OR2L13: variants seen among roughly 807,000 people sequenced by gnomAD.
The protein encoded by OR2L13 is olfactory receptor family 2 subfamily L member 13.
In OR2L13, 14 loss-of-function variants were observed where a neutral mutation model predicts 15.3. The observed-to-expected ratio is 0.91, with a 90% CI of 0.60 to 1.43. The LOEUF is 1.43. OR2L13 is among the 40% of genes most tolerant of loss of function. The probability of loss-of-function intolerance (pLI) is 0.00; values close to 1 mark genes in which losing one functional copy is unlikely to be tolerated. For synonymous variants in OR2L13, 152 were observed against 142.9 expected, an observed-to-expected ratio of 1.06 and a Z score of -0.45; for missense variants, 367 against 387.9, an observed-to-expected ratio of 0.95 and a Z score of 0.45.
At chr1:247,989,045 A>C in the OR2L13 span, among the ~76,000 whole-genome samples, 4 of 152,114 alleles carry the variant, frequency 2.6e-5, no homozygotes, top group African/African-American at 9.7e-5. Flanking sequence ...TGGAAGGTAA[A>C]ATGAACTTGG....
upstream of OR2L13, among the ~76,000 whole-genome samples, chr1:248,093,171 G>A (rs989818700): frequency 6.6e-6 from 1 of 152,142 alleles, no homozygotes. Flanking sequence ...TCCCAGAGGA[G>A]TCTAAGAGAT....
At chr1:248,083,789 G>A in the OR2L13 span, 21 of 1,613,664 alleles carry the variant, frequency 1.3e-5, no homozygotes, top group African/African-American at 1.3e-5. Flanking sequence ...ACACAACCTT[G>A]TCGTGGTTAG....
At chr1:248,085,436 T>TAAAATAAAAA in the OR2L13 span, among the ~76,000 whole-genome samples, 1 of 84,552 alleles carries the variant, frequency 1.2e-5, no homozygotes, top group African/African-American at 4.5e-5. Context: ...TAAAATAAAA[T>TAAAATAAAAA]AATAAAATAA....
the OR2L13 span, chr1:247,949,551 G>A: frequency 6.2e-7 from 1 of 1,614,100 alleles, no homozygotes; most frequent in Non-Finnish European, 8.5e-7. Context: ...ATCTGCAGAA[G>A]GGAGGAAGAA....
the OR2L13 span, among the ~76,000 whole-genome samples, chr1:247,952,991 A>G: frequency 1.3e-5 from 2 of 152,148 alleles, no homozygotes; most frequent in Non-Finnish European, 2.9e-5. Context: ...TTTTCATGCC[A>G]ATGACCCTGG....
the OR2L13 span, chr1:248,023,015 T>G: frequency 1.1e-6 from 1 of 898,500 alleles, no homozygotes; most frequent in Non-Finnish European, 1.7e-6. Flanking sequence ...TGTCTTTTAA[T>G]TTAGTCTTGA....
At chr1:248,050,612 AT>A in the OR2L13 span, among the ~76,000 whole-genome samples, 2 of 152,088 alleles carry the variant, frequency 1.3e-5, no homozygotes, top group South Asian at 2.1e-4. Context: ...GTTCTATGTT[AT>A]TTTTTTCTTT....
At chr1:248,024,913 C>T in the OR2L13 span, among the ~76,000 whole-genome samples, 1 of 152,054 alleles carries the variant, frequency 6.6e-6, no homozygotes, top group African/African-American at 2.4e-5. Context: ...TCCATATGAA[C>T]TTTAAGGTAG....
At chr1:247,981,976 C>T in the OR2L13 span, among the ~76,000 whole-genome samples, 3 of 152,086 alleles carry the variant, frequency 2.0e-5, no homozygotes, top group Admixed American at 6.5e-5. Flanking sequence ...CCACCACGCC[C>T]GGCTAATGTT....
At chr1:247,993,760 GGGGAGAGAGA>G in the OR2L13 span, among the ~76,000 whole-genome samples, 6,493 of 53,468 alleles carry the variant, frequency 0.12, 419 homozygotes, top group South Asian at 0.25. Flanking sequence ...ACAGAGAGAG[GGGGAGAGAGA>G]GAGAGAGAGA....
At chr1:248,003,245 A>C in the OR2L13 span, 27 of 1,564,404 alleles carry the variant, frequency 1.7e-5, no homozygotes, top group Non-Finnish European at 2.3e-5. Context: ...AATGGCTCTA[A>C]TTGGAAACCT....
At chr1:248,039,109 C>A in the OR2L13 span, 3 of 1,614,110 alleles carry the variant, frequency 1.9e-6, no homozygotes, top group Non-Finnish European at 2.5e-6. Context: ...ACCATCCTCA[C>A]CCCAATGCTC....
the OR2L13 span, chr1:248,022,849 C>T: frequency 6.2e-7 from 1 of 1,612,370 alleles, no homozygotes; most frequent in South Asian, 1.1e-5. Flanking sequence ...GGGGCCCTGA[C>T]ACGAGTGATT....
At chr1:247,937,518 C>G in the OR2L13 span, 1 of 157,556 alleles carries the variant, frequency 6.3e-6, no homozygotes. Flanking sequence ...CTTCCATCAA[C>G]CCCTCAGCTA....
the OR2L13 span, chr1:248,040,605 T>C: frequency 6.6e-6 from 1 of 152,218 alleles, no homozygotes; most frequent in African/African-American, 2.4e-5. Context: ...ATATTTTCTC[T>C]TTCTGATGAT....
the OR2L13 span, chr1:247,990,208 A>G: frequency 1.6e-6 from 1 of 641,086 alleles, no homozygotes; most frequent in Non-Finnish European, 2.8e-6. Context: ...GATAAGGGGG[A>G]ACTACTGTAC....
At chr1:247,949,650 C>T in the OR2L13 span, 1,986 of 1,613,778 alleles carry the variant, frequency 1.2e-3, 23 homozygotes, top group African/African-American at 0.02. Context: ...AAGATCCCTG[C>T]GATCTCCAAC....
the OR2L13 span, chr1:248,003,327 C>T: frequency 6.3e-7 from 1 of 1,593,038 alleles, no homozygotes; most frequent in Admixed American, 1.7e-5. Context: ...AGTCAGCTCT[C>T]CCTCATTGAC....
At chr1:247,993,807 G>GAGAGAGAGAGAGAGAAAGAGAA in the OR2L13 span, among the ~76,000 whole-genome samples, 1 of 129,020 alleles carries the variant, frequency 7.8e-6, no homozygotes. Context: ...GAGAGAGAGA[G>GAGAGAGAGAGAGAGAAAGAGAA]AGAGAAAGAA....
Sources: gnomAD v4.1 joint callset for allele counts (sites outside exome capture counted in the v4.1 genomes callset) on GRCh38, gnomAD v4.1.1 for gene constraint, MANE v1.5 for transcripts, NCBI Gene and HGNC (gene_info 2026-07-23, HGNC 2026-07-21) for gene names.